The following RBFOX1 variants were observed in gnomAD, a reference collection of about 807,000 sequenced individuals.
The protein encoded by RBFOX1 is RNA binding fox-1 homolog 1.
In RBFOX1, 8 loss-of-function variants were observed where a neutral mutation model predicts 57.7. That is an observed-to-expected ratio of 0.14 (90% CI 0.08 to 0.25). RBFOX1 has a LOEUF of 0.25. Among genes scored for constraint, RBFOX1 ranks in the 10% least tolerant of loss-of-function variants. The pLI is 1.00. For missense variants in RBFOX1, 611 were observed against 548.5 expected (o/e 1.11, Z -1.14); for synonymous variants, 326 against 222.4 (o/e 1.47, Z -4.15).
intron 2 of RBFOX1, among the ~76,000 whole-genome samples, chr16:6,550,826 A>G (rs1303693453): frequency 1.3e-5 from 2 of 152,236 alleles, no homozygotes; most frequent in South Asian, 2.1e-4. Context: ...GGCACTTCAC[A>G]TTGATTAGAA....
At chr16:6,226,500 T>C (rs2097419570) in intron 1 of RBFOX1, among the ~76,000 whole-genome samples, 1 of 152,032 alleles carries the variant, frequency 6.6e-6, no homozygotes, top group South Asian at 2.1e-4. Context: ...GCATTGCCCA[T>C]GACCACTCAT....
chr16:7,562,604 G>T (rs1439379732), intron 5 of RBFOX1, among the ~76,000 whole-genome samples: 1 of 152,170 alleles, frequency 6.6e-6, no homozygotes, highest in East Asian at 1.9e-4. Context: ...CTGAGCCCCA[G>T]CAGAATGAGA....
chr16:7,511,305 T>C (rs1420394724), intron 4 of RBFOX1, among the ~76,000 whole-genome samples: 1 of 152,224 alleles, frequency 6.6e-6, no homozygotes. Flanking sequence ...TTCTCAAAAC[T>C]ACTTTATTAA....
chr16:7,704,993 G>T (rs79858024), intron 14 of RBFOX1, among the ~76,000 whole-genome samples: 1 of 149,902 alleles, frequency 6.7e-6, no homozygotes, highest in East Asian at 2.0e-4. Flanking sequence ...AGAGTGAGCC[G>T]AGATCATGTC....
At chr16:7,098,785 A>G (rs1027753801) in intron 4 of RBFOX1, among the ~76,000 whole-genome samples, 2 of 152,160 alleles carry the variant, frequency 1.3e-5, no homozygotes, top group African/African-American at 4.8e-5. Flanking sequence ...CCCTGTGTCT[A>G]TCTTTAAAAT....
At chr16:6,476,069 C>A (rs967824399) in intron 2 of RBFOX1, among the ~76,000 whole-genome samples, 1 of 152,048 alleles carries the variant, frequency 6.6e-6, no homozygotes, top group East Asian at 1.9e-4. Context: ...ACAGGCAGTT[C>A]CCAGGTGAAA....
chr16:6,543,014 C>T (rs1026713910), intron 2 of RBFOX1, among the ~76,000 whole-genome samples: 3 of 152,128 alleles, frequency 2.0e-5, no homozygotes, highest in Admixed American at 2.0e-4. Flanking sequence ...CTCTCACTCT[C>T]CCTCCCCAGG....
At chr16:7,297,819 TC>T (rs778325149) in intron 4 of RBFOX1, among the ~76,000 whole-genome samples, 2 of 151,706 alleles carry the variant, frequency 1.3e-5, no homozygotes, top group South Asian at 2.1e-4. Context: ...AAAATTGAAA[TC>T]CCCCCCAATA....
At chr16:6,834,495 T>G (rs937321612) in intron 3 of RBFOX1, among the ~76,000 whole-genome samples, 1 of 129,608 alleles carries the variant, frequency 7.7e-6, no homozygotes, top group Non-Finnish European at 1.6e-5. Context: ...ACTCAGTAAC[T>G]GTTTATTGAT....
chr16:7,491,302 G>C (rs979101622), intron 4 of RBFOX1, among the ~76,000 whole-genome samples: 1 of 151,616 alleles, frequency 6.6e-6, no homozygotes, highest in East Asian at 2.0e-4. Flanking sequence ...CTGTTGCTTT[G>C]CTATTTAATG....
intron 2 of RBFOX1, among the ~76,000 whole-genome samples, chr16:6,558,404 C>T (rs1034031124): frequency 2.6e-5 from 4 of 152,116 alleles, no homozygotes; most frequent in African/African-American, 4.8e-5. Context: ...AAGAGTTTAT[C>T]CTGAACTGTG....
intron 3 of RBFOX1, among the ~76,000 whole-genome samples, chr16:6,688,967 T>G (rs1320332628): frequency 6.8e-6 from 1 of 146,632 alleles, no homozygotes; most frequent in Non-Finnish European, 1.5e-5. Context: ...GGATATGAAC[T>G]CATCCTTTTT....
At position 7,711,582 on chromosome 16, in the gene RBFOX1, A is replaced by G. The variant is rs2084005051; in HGVS notation, c.*837A>G. The G allele has an allele frequency of 6.6e-6, 1 of 152,640 alleles. No homozygotes were observed. The highest frequency in any genetic ancestry group is 2.4e-5 in the African/African-American group (1 of 41,450). 9.5% of individuals were successfully genotyped at this position (152,640 alleles called of 1,614,324 possible). ...AATAACATTAATAAAAAGGTGATAA[A>G]AAAGCACTGTTTCTATTTTTTTCTT... On this transcript the variant is annotated 3_prime_UTR_variant, in exon 16 of 16. Coordinates refer to ENST00000550418, the MANE Select transcript of RBFOX1 (RefSeq NM_018723.4).
At chr16:7,173,493 T>C (rs981277443) in intron 4 of RBFOX1, among the ~76,000 whole-genome samples, 3 of 121,504 alleles carry the variant, frequency 2.5e-5, no homozygotes, top group South Asian at 2.4e-4. Context: ...CATTTGACAC[T>C]TTTTTTTTTC....
At chr16:7,445,922 A>G (rs1005277519) in intron 4 of RBFOX1, among the ~76,000 whole-genome samples, 4 of 152,128 alleles carry the variant, frequency 2.6e-5, no homozygotes, top group Non-Finnish European at 5.9e-5. Flanking sequence ...TTTAGCTGTG[A>G]AGCTTCGCTT....
In RBFOX1 at chr16:5,696,937, G is replaced by A. The variant is rs12596333; in HGVS notation, c.318+97976G>A. On this transcript the variant is annotated intron_variant, in intron 3 of 19. Transcript: ENST00000641259. The stretch of plus-strand genomic sequence containing the variant: ...TTGTTTTGTTCTGTTTTTTGAGACC[G>A]AGTCTCATTCTCTTGCCCAGGCTGG... 6.9e-3 allele frequency among the ~76,000 whole-genome samples: 1,050 copies of A among 151,920 alleles called. 29 individuals carry two copies. In the East Asian group the frequency reaches 0.088, roughly 13 times the overall value.
chr16:6,884,719 G>A (rs777099650), intron 3 of RBFOX1, among the ~76,000 whole-genome samples: 160 of 152,080 alleles, frequency 1.1e-3, no homozygotes, highest in Non-Finnish European at 9.6e-4. Flanking sequence ...GCAACATGAC[G>A]AAACCCCATC....
chr16:5,699,954 T>C (rs955062237), intron 3 of RBFOX1, among the ~76,000 whole-genome samples: 4 of 152,180 alleles, frequency 2.6e-5, no homozygotes, highest in African/African-American at 4.8e-5. Context: ...CTGCTCAGCC[T>C]CCTGAGTAGC....
chr16:7,493,983 C>G (rs1165671926), intron 4 of RBFOX1, among the ~76,000 whole-genome samples: 1 of 152,118 alleles, frequency 6.6e-6, no homozygotes, highest in Non-Finnish European at 1.5e-5. Flanking sequence ...TTTGAAGAAC[C>G]ACACTGATAA....
Sources: allele counts gnomAD v4.1 joint callset (sites outside exome capture counted in the v4.1 genomes callset), GRCh38; gene constraint gnomAD v4.1.1; transcripts MANE v1.5; gene names NCBI Gene and HGNC (gene_info 2026-07-23, HGNC 2026-07-21).